KRTAP5-10: variants seen among roughly 807,000 people sequenced by gnomAD.
KRTAP5-10 encodes the protein keratin-associated protein 5-10.
In KRTAP5-10, 1 loss-of-function variant was observed where a neutral mutation model predicts 1.6. The observed-to-expected ratio is 0.64, with a 90% CI of 0.23 to 3.04. The LOEUF (loss-of-function observed/expected upper bound fraction) is 3.04, where lower values mean the gene tolerates loss of function less well. Ranked by LOEUF, KRTAP5-10 falls within the 30% of genes most tolerant of loss-of-function variation. The pLI, the probability that KRTAP5-10 is intolerant of heterozygous loss-of-function variation, is 0.21. For synonymous variants in KRTAP5-10, 76 were observed against 102.0 expected (o/e 0.75, Z 1.54); for missense variants, 219 against 255.2 (o/e 0.86, Z 0.97).
At position 71,565,637 on chromosome 11, in the gene KRTAP5-10, G is replaced by T. The variant is rs1461015051; in HGVS notation, c.50G>T (p.Cys17Phe). Residue 17 changes from cysteine (C) to phenylalanine (F), a missense_variant, in exon 1 of 1, where the codon TGT (cysteine) becomes TTT (phenylalanine). Coordinates refer to ENST00000398531, the MANE Select transcript of KRTAP5-10 (RefSeq NM_001012710.2). ...GGCTGTGGCTCCGGCTGTGGGGGTT[G>T]TGGCTCCGGCTGTGGGGGCTGTGGC... ...SGGCGSGCGG[C>F]GSGCGGCGSG... 6.3e-7 allele frequency: 1 copy of T among 1,595,646 alleles called. No individual in the cohort carries two copies. The highest frequency in any genetic ancestry group is 8.5e-7 in the Non-Finnish European group (1 of 1,170,310).
Position 71,565,892 on chromosome 11 carries a change from G to C in KRTAP5-10, c.305G>C (p.Gly102Ala). ...TGTGGCTCCTGTGGGGGCTCCAAGG[G>C]GGGCTGTGGTTCTTGTGGGGGCTCC... is the stretch of plus-strand genomic sequence containing the variant. ...GGCGSCGGSKGGCGSCGGSKG... is the reference protein window; with the variant it reads ...GGCGSCGGSKAGCGSCGGSKG... The change falls in exon 1 of 1, where the codon GGG becomes GCG. Residue 102 changes from glycine to alanine, a missense_variant. Physicochemically the swap from Gly to Ala is moderately conservative, Grantham distance 60. This residue lies in a region of KRTAP5-10 where 124 missense variants were observed against 127.2 expected (regional missense o/e 0.98). Transcript: ENST00000398531. 1 of 1,337,590 alleles carries C rather than the reference G, an allele frequency of 7.5e-7. No individual in the cohort carries two copies. Among genetic ancestry groups the C allele is most frequent in the South Asian group, 1.2e-5 (1 of 80,248 alleles). 82.9% of individuals were successfully genotyped at this position (1,337,590 alleles called of 1,614,324 possible). A position where few individuals can be genotyped will look rare whatever the true frequency, so the allele number is the denominator to read the frequency against.
Position 71,566,401 on chromosome 11 carries a change from A to T in KRTAP5-10, c.*205A>T. On this transcript the variant is annotated 3_prime_UTR_variant, in exon 1 of 1. Transcript: ENST00000398531. ...CACTCCGGAAATGCATGTTTCCTTG[A>T]TGCAGGAGGTGGCCTTGCCTGGACG... The T allele has an allele frequency of 1.2e-6, 1 of 860,628 alleles. No individual in the cohort carries two copies. The highest frequency in any genetic ancestry group is 2.7e-5 in the East Asian group (1 of 37,458). The allele number at this position is 860,628 out of a possible 1,614,324, so 53.3% of individuals were successfully genotyped here.
chr11:71,566,066 C>A lies in KRTAP5-10; in HGVS notation c.479C>A (p.Ser160Tyr). The change falls in exon 1 of 1, where the codon TCC (serine) becomes TAC (tyrosine). Residue 160 changes from serine (S) to tyrosine (Y), a missense_variant. Transcript: ENST00000398531. ...TCAGGCTGTGGATCCTGCTGCCAGT[C>A]CAGCTGCTGCAATCCCTGCTGCTGC... ...CSSGCGSCCQ[S>Y]SCCNPCCCQS... 6.2e-7 allele frequency: 1 copy of A among 1,611,424 alleles called. No individual in the cohort carries two copies. The highest frequency in any genetic ancestry group is 8.5e-7 in the Non-Finnish European group (1 of 1,179,686).
chr11:71,566,112 C>T lies in KRTAP5-10; in HGVS notation c.525C>T (p.Pro175=), dbSNP rs772853922. The part of the protein sequence containing the change: ...PCCCQSSCCV[P]VCCQSSCCKP... Reference sequence around the variant, plus strand: ...GCTGCCAGTCCAGCTGCTGTGTCCCCGTGTGCTGCCAGTCTAGCTGCTGCA... The same window carrying T: ...GCTGCCAGTCCAGCTGCTGTGTCCCTGTGTGCTGCCAGTCTAGCTGCTGCA... Residue 175 remains proline, a synonymous_variant, in exon 1 of 1, where the codon CCC becomes CCT. Coordinates refer to ENST00000398531, the MANE Select transcript of KRTAP5-10 (RefSeq NM_001012710.2). The T allele has an allele frequency of 8.1e-6, 13 of 1,612,062 alleles. No individual in the cohort carries two copies. Among genetic ancestry groups the T allele is most frequent in the Admixed American group, 3.3e-5 (2 of 59,946 alleles).
Position 71,565,951 on chromosome 11 carries a change from G to A in KRTAP5-10, c.364G>A (p.Gly122Ser). The change falls in exon 1 of 1, where the codon GGT becomes AGT. Residue 122 changes from glycine (G) to serine (S), a missense_variant. This residue lies in a region of KRTAP5-10 where 124 missense variants were observed against 127.2 expected (regional missense o/e 0.98). Transcript: ENST00000398531. ...GGCGSCGGSK[G>S]GCGSCGGSKG... ...CTGTGGCTCCTGTGGGGGCTCCAAA[G>A]GTGGCTGTGGTTCCTGTGGGGGCTC... 6.5e-7 allele frequency: 1 copy of A among 1,542,700 alleles called. No homozygotes were observed. The highest frequency in any genetic ancestry group is 8.7e-7 in the Non-Finnish European group (1 of 1,142,920).
At position 71,566,011 on chromosome 11, in the gene KRTAP5-10, T is replaced by A; in HGVS notation, c.424T>A (p.Cys142Ser). The change falls in exon 1 of 1, where the codon TGC becomes AGC. Residue 142 changes from cysteine (C) to serine (S), a missense_variant. Physicochemically the swap from Cys to Ser is moderately radical, Grantham distance 112. Transcript: ENST00000398531. ...CTGTGGTTCTTGTGGCTGCTCCCAGTGCAATTGCTGTAAGCCCTGCTGCTG... is the reference window on the plus strand; with the variant it reads ...CTGTGGTTCTTGTGGCTGCTCCCAGAGCAATTGCTGTAAGCCCTGCTGCTG... ...GGCGSCGCSQ[C>S]NCCKPCCCSS... is the part of the protein sequence containing the mutation. 6.2e-7 allele frequency: 1 copy of A among 1,613,776 alleles called. No individual in the cohort carries two copies. The highest frequency in any genetic ancestry group is 8.5e-7 in the Non-Finnish European group (1 of 1,179,842).
In KRTAP5-10 at chr11:71,566,076, C is replaced by T. The variant is rs1381039769; in HGVS notation, c.489C>T (p.Cys163=). The change falls in exon 1 of 1, where the codon TGC becomes TGT. Residue 163 remains cysteine (C), a synonymous_variant. Transcript: ENST00000398531. ...GCGSCCQSSC[C]NPCCCQSSCC... ...GATCCTGCTGCCAGTCCAGCTGCTG[C>T]AATCCCTGCTGCTGCCAGTCCAGCT... is the stretch of plus-strand genomic sequence containing the variant. 3 of 1,611,620 alleles carry T rather than the reference C, an allele frequency of 1.9e-6. No individual in the cohort carries two copies. In the Admixed American group the frequency reaches 5.0e-5, roughly 27 times the overall value.
Position 71,566,297 on chromosome 11 carries a change from C to T in KRTAP5-10, c.*101C>T. ...CCACGCATCCTCCCTGAGGCACCTGCCCCTTCTCCAGCTCATCATCCATGC... is the reference window on the plus strand; with the variant it reads ...CCACGCATCCTCCCTGAGGCACCTGTCCCTTCTCCAGCTCATCATCCATGC... On this transcript the variant is annotated 3_prime_UTR_variant, in exon 1 of 1. Transcript: ENST00000398531. The T allele has an allele frequency of 6.5e-7, 1 of 1,547,066 alleles. No individual in the cohort carries two copies.
Position 71,566,410 on chromosome 11 carries a change from G to T in KRTAP5-10, c.*214G>T. 3.6e-6 allele frequency: 3 copies of T among 829,286 alleles called. No homozygotes were observed. The highest frequency in any genetic ancestry group is 5.6e-6 in the Non-Finnish European group (3 of 531,840). The allele number at this position is 829,286 out of a possible 1,614,324, so 51.4% of individuals were successfully genotyped here. On this transcript the variant is annotated 3_prime_UTR_variant, in exon 1 of 1. Coordinates refer to ENST00000398531, the MANE Select transcript of KRTAP5-10 (RefSeq NM_001012710.2). The stretch of plus-strand genomic sequence containing the variant: ...AATGCATGTTTCCTTGATGCAGGAG[G>T]TGGCCTTGCCTGGACGCGGGCACCC...
In KRTAP5-10 at chr11:71,566,312, A is replaced by C; in HGVS notation, c.*116A>C. Reference sequence around the variant, plus strand: ...GAGGCACCTGCCCCTTCTCCAGCTCATCATCCATGCACGCACCTCCTTCCA... The same window carrying C: ...GAGGCACCTGCCCCTTCTCCAGCTCCTCATCCATGCACGCACCTCCTTCCA... On this transcript the variant is annotated 3_prime_UTR_variant, in exon 1 of 1. Transcript: ENST00000398531. 6.7e-7 allele frequency: 1 copy of C among 1,488,986 alleles called. No individual in the cohort carries two copies. The highest frequency in any genetic ancestry group is 9.2e-7 in the Non-Finnish European group (1 of 1,083,994). The allele number at this position is 1,488,986 out of a possible 1,614,324, so 92.2% of individuals were successfully genotyped here.
chr11:71,565,986 C>T lies in KRTAP5-10; in HGVS notation c.399C>T (p.Gly133=), dbSNP rs1950188967. ...GTTCCTGTGGGGGCTCCAAGGGGGGCTGTGGTTCTTGTGGCTGCTCCCAGT... is the reference window on the plus strand; with the variant it reads ...GTTCCTGTGGGGGCTCCAAGGGGGGTTGTGGTTCTTGTGGCTGCTCCCAGT... ...GCGSCGGSKG[G]CGSCGCSQCN... Residue 133 remains glycine (G), a synonymous_variant, in exon 1 of 1, where the codon GGC becomes GGT. Transcript: ENST00000398531. 6.2e-7 allele frequency: 1 copy of T among 1,612,972 alleles called. No homozygotes were observed. Among genetic ancestry groups the T allele is most frequent in the Non-Finnish European group, 8.5e-7 (1 of 1,179,542 alleles).
At position 71,566,362 on chromosome 11, in the gene KRTAP5-10, G is replaced by A; in HGVS notation, c.*166G>A. ...ATGGCTCAGCTCTCCACTGGGCCCT[G>A]CCTTCAGCCTCCTCACTCCGGAAAT... On this transcript the variant is annotated 3_prime_UTR_variant, in exon 1 of 1. Coordinates refer to ENST00000398531, the MANE Select transcript of KRTAP5-10 (RefSeq NM_001012710.2). 1 of 1,085,586 alleles carries A rather than the reference G, an allele frequency of 9.2e-7. No homozygotes were observed. Among genetic ancestry groups the A allele is most frequent in the Non-Finnish European group, 1.3e-6 (1 of 753,934 alleles). 67.2% of individuals were successfully genotyped at this position (1,085,586 alleles called of 1,614,324 possible). A position where few individuals can be genotyped will look rare whatever the true frequency, so the allele number is the denominator to read the frequency against.
chr11:71,566,426 GC>G lies in KRTAP5-10; in HGVS notation c.*231del. On this transcript the variant is annotated 3_prime_UTR_variant, in exon 1 of 1. Transcript: ENST00000398531. ...ATGCAGGAGGTGGCCTTGCCTGGAC[GC>G]GGGCACCCAGCCAACTGCCATGGTG... The G allele has an allele frequency of 1.4e-6, 1 of 700,862 alleles. No individual in the cohort carries two copies. The highest frequency in any genetic ancestry group is 2.8e-5 in the East Asian group (1 of 36,164). 43.4% of individuals were successfully genotyped at this position (700,862 alleles called of 1,614,324 possible).
Position 71,565,630 on chromosome 11 carries a change from G to C in KRTAP5-10, c.43G>C (p.Gly15Arg), listed in dbSNP as rs1184093860. Residue 15 changes from glycine (G) to arginine (R), a missense_variant, in exon 1 of 1, where the codon GGG (glycine) becomes CGG (arginine). Physicochemically the swap from Gly to Arg is moderately radical, Grantham distance 125. This residue lies in a region of KRTAP5-10 where 92 missense variants were observed against 108.8 expected (regional missense o/e 0.85). Coordinates refer to ENST00000398531, the MANE Select transcript of KRTAP5-10 (RefSeq NM_001012710.2). The part of the protein sequence containing the change: ...GCSGGCGSGC[G>R]GCGSGCGGCG... ...CTCCGGAGGCTGTGGCTCCGGCTGTGGGGGTTGTGGCTCCGGCTGTGGGGG... is the reference window on the plus strand; with the variant it reads ...CTCCGGAGGCTGTGGCTCCGGCTGTCGGGGTTGTGGCTCCGGCTGTGGGGG... 8.4e-6 allele frequency: 13 copies of C among 1,552,264 alleles called. No individual in the cohort carries two copies. Among genetic ancestry groups the C allele is most frequent in the Non-Finnish European group, 1.1e-5 (13 of 1,144,792 alleles).
chr11:71,566,172 CGT>C lies in KRTAP5-10; in HGVS notation c.589_590del (p.Cys197LeufsTer4), dbSNP rs752421497. 23 of 1,614,176 alleles carry C rather than the reference CGT, an allele frequency of 1.4e-5. 1 individual carries two copies. In the Admixed American group the frequency reaches 2.7e-4, roughly 19 times the overall value. Reference protein sequence around the residue: ...CCCQSSCCVPVCCQCKI With the variant: ...CCCQSSCCVPXCCQCKI The stretch of plus-strand genomic sequence containing the variant: ...GCTGTCAGTCCAGCTGCTGTGTCCC[CGT>C]GTGCTGCCAGTGTAAGATCTGAGGC... On this transcript the variant is annotated frameshift_variant, in exon 1 of 1. Coordinates refer to ENST00000398531, the MANE Select transcript of KRTAP5-10 (RefSeq NM_001012710.2). LOFTEE classifies it high-confidence loss of function.
Position 71,565,913 on chromosome 11 carries a change from G to T in KRTAP5-10, c.326G>T (p.Gly109Val), listed in dbSNP as rs753681174. 2 of 1,246,356 alleles carry T rather than the reference G, an allele frequency of 1.6e-6. No individual in the cohort carries two copies. The highest frequency in any genetic ancestry group is 2.1e-5 in the Admixed American group (1 of 46,924). 77.2% of individuals were successfully genotyped at this position (1,246,356 alleles called of 1,614,324 possible). ...GSKGGCGSCG[G>V]SKGGCGSCGG... ...AAGGGGGGCTGTGGTTCTTGTGGGGGCTCCAAGGGGGGCTGTGGCTCCTGT... is the reference window on the plus strand; with the variant it reads ...AAGGGGGGCTGTGGTTCTTGTGGGGTCTCCAAGGGGGGCTGTGGCTCCTGT... Residue 109 changes from glycine to valine, a missense_variant, in exon 1 of 1, where the codon GGC becomes GTC. By Grantham distance (109) the Gly-to-Val change is moderately radical (BLOSUM62 -3). Transcript: ENST00000398531.
rs924038009 is a variant in KRTAP5-10 at position 71,566,396 on chromosome 11, C to T, written c.*200C>T. 2.3e-6 allele frequency: 2 copies of T among 880,086 alleles called. No individual in the cohort carries two copies. The highest frequency in any genetic ancestry group is 3.5e-6 in the Non-Finnish European group (2 of 576,488). The allele number at this position is 880,086 out of a possible 1,614,324, so 54.5% of individuals were successfully genotyped here. ...CTCCTCACTCCGGAAATGCATGTTT[C>T]CTTGATGCAGGAGGTGGCCTTGCCT... On this transcript the variant is annotated 3_prime_UTR_variant, in exon 1 of 1. Coordinates refer to ENST00000398531, the MANE Select transcript of KRTAP5-10 (RefSeq NM_001012710.2).
In KRTAP5-10 at chr11:71,565,608, C is replaced by T. The variant is rs769542971; in HGVS notation, c.21C>T (p.Ser7=). ...GAATCATGGGCTGCTGTGGCTGCTCCGGAGGCTGTGGCTCCGGCTGTGGGG... is the reference window on the plus strand; with the variant it reads ...GAATCATGGGCTGCTGTGGCTGCTCTGGAGGCTGTGGCTCCGGCTGTGGGG... MGCCGC[S]GGCGSGCGGC... Residue 7 remains serine (S), a synonymous_variant, in exon 1 of 1, where the codon TCC becomes TCT. Coordinates refer to ENST00000398531, the MANE Select transcript of KRTAP5-10 (RefSeq NM_001012710.2). 9.0e-6 allele frequency: 14 copies of T among 1,551,220 alleles called. No homozygotes were observed. Among genetic ancestry groups the T allele is most frequent in the Admixed American group, 7.6e-5 (4 of 52,340 alleles).
chr11:71,566,627 C>G lies in KRTAP5-10; in HGVS notation c.*431C>G. ...CGCTCGCTGCCTGTTCTCCAGTGGCCACCTGTGACCAGGAAGGTCTCCTTC... is the reference window on the plus strand; with the variant it reads ...CGCTCGCTGCCTGTTCTCCAGTGGCGACCTGTGACCAGGAAGGTCTCCTTC... On this transcript the variant is annotated 3_prime_UTR_variant, in exon 1 of 1. Transcript: ENST00000398531. The G allele has an allele frequency of 4.9e-6, 1 of 205,306 alleles. No individual in the cohort carries two copies. The allele number at this position is 205,306 out of a possible 1,614,324, so 12.7% of individuals were successfully genotyped here.
Sources: gnomAD v4.1 joint callset for allele counts on GRCh38, gnomAD v4.1.1 for gene constraint, gnomAD v4.1.1 regional missense constraint, MANE v1.5 for transcripts, NCBI Gene and HGNC (gene_info 2026-07-23, HGNC 2026-07-21) for gene names.